Variants in DNAH7 observed in about 807,000 individuals in gnomAD.
DNAH7 encodes the protein axonemal beta dynein heavy chain 7.
DNAH7 carries 397 observed loss-of-function variants against 444.6 expected under a neutral mutation model. The observed-to-expected ratio is 0.89, with a 90% CI of 0.82 to 0.97. The LOEUF (loss-of-function observed/expected upper bound fraction) is 0.97. DNAH7 is among the 50% of genes least tolerant of loss of function. The pLI is 0.00. For missense variants in DNAH7, 4,902 were observed against 4,800.8 expected (o/e 1.02, Z -0.62); for synonymous variants, 1,636 against 1,624.4 (o/e 1.01, Z -0.17).
chr2:195,892,255 C>T (rs1265308599), intron 30 of DNAH7, among the ~76,000 whole-genome samples: 2 of 152,002 alleles, frequency 1.3e-5, no homozygotes, highest in Non-Finnish European at 2.9e-5. Flanking sequence ...AGTTTATTGG[C>T]ATTACGAAAA....
chr2:195,972,530 C>A (rs867318971), intron 15 of DNAH7, 64 bp from the exon 16 acceptor site: 2 of 1,196,910 alleles, frequency 1.7e-6, no homozygotes, highest in Admixed American at 3.4e-5. Context: ...AAACAGCCTG[C>A]GGAAATACAC....
At position 196,028,261 on chromosome 2, in the gene DNAH7, A is replaced by C. The variant is rs561216406; in HGVS notation, c.399-214T>G. ...GACAATTATATTGGAAGTTACTTGC[A>C]AGACCTATTCAGAAATCACACCCTC... On this transcript the variant is annotated intron_variant, in intron 5 of 64. Coordinates refer to ENST00000312428, the MANE Select transcript of DNAH7 (RefSeq NM_018897.3). 7.9e-5 allele frequency among the ~76,000 whole-genome samples: 12 copies of C among 152,300 alleles called. No individual in the cohort carries two copies. In the East Asian group the frequency reaches 2.1e-3, roughly 27 times the overall value.
chr2:195,903,716 A>G (rs1337171055), intron 27 of DNAH7: 1 of 152,186 alleles, frequency 6.6e-6, no homozygotes, highest in East Asian at 1.9e-4. Flanking sequence ...TGCAAAGGAA[A>G]TGTCTACAAC....
At chr2:196,061,751 C>A (rs897066349) in intron 1 of DNAH7, among the ~76,000 whole-genome samples, 2 of 152,062 alleles carry the variant, frequency 1.3e-5, no homozygotes, top group Non-Finnish European at 2.9e-5. Flanking sequence ...CAAGAAAGAA[C>A]GGGAAGAGGA....
At chr2:195,939,617 G>A (rs1689286534) in intron 19 of DNAH7, among the ~76,000 whole-genome samples, 1 of 152,140 alleles carries the variant, frequency 6.6e-6, no homozygotes, top group Non-Finnish European at 1.5e-5. Context: ...TCCTAAAGGG[G>A]AAGAATTGAA....
intron 15 of DNAH7, among the ~76,000 whole-genome samples, chr2:195,978,025 C>T (rs1362466290): frequency 6.6e-6 from 1 of 151,844 alleles, no homozygotes; most frequent in Non-Finnish European, 1.5e-5. Flanking sequence ...AAGCAAAGGA[C>T]AATAATGAAC....
chr2:195,788,507 G>T (rs756705650), intron 57 of DNAH7, among the ~76,000 whole-genome samples: 1 of 152,114 alleles, frequency 6.6e-6, no homozygotes, highest in Non-Finnish European at 1.5e-5. Flanking sequence ...AAAAGTCAAA[G>T]AAATGGCATT....
intron 45 of DNAH7, among the ~76,000 whole-genome samples, chr2:195,854,305 T>C (rs1301619198): frequency 6.6e-6 from 1 of 152,168 alleles, no homozygotes; most frequent in African/African-American, 2.4e-5. Flanking sequence ...CAAAAATAAT[T>C]ACATGAAAAG....
chr2:195,891,628 T>C, intron 31 of DNAH7, 27 bp downstream of exon 31: 2 of 1,513,740 alleles, frequency 1.3e-6, no homozygotes, highest in Non-Finnish European at 1.8e-6. Flanking sequence ...CCTTTTAAGA[T>C]ATGCATGTGA....
intron 57 of DNAH7, among the ~76,000 whole-genome samples, chr2:195,789,485 T>G (rs1421910730): frequency 6.6e-6 from 1 of 152,220 alleles, no homozygotes; most frequent in Non-Finnish European, 1.5e-5. Context: ...GAATCATCAA[T>G]GATTACTAAT....
At chr2:195,804,249 C>T (rs1244975747) in intron 54 of DNAH7, among the ~76,000 whole-genome samples, 1 of 152,142 alleles carries the variant, frequency 6.6e-6, no homozygotes, top group Non-Finnish European at 1.5e-5. Context: ...TATTCTACTA[C>T]CATTCTTCTT....
intron 5 of DNAH7, among the ~76,000 whole-genome samples, chr2:196,039,045 C>T (rs1696565786): frequency 6.6e-6 from 1 of 152,112 alleles, no homozygotes; most frequent in Non-Finnish European, 1.5e-5. Context: ...TAGACATTTG[C>T]AAAATGTTCC....
chr2:195,796,665 C>T lies in DNAH7; in HGVS notation c.10426G>A (p.Glu3476Lys), dbSNP rs1696155152. 5.0e-6 allele frequency: 8 copies of T among 1,614,040 alleles called. No homozygotes were observed. The highest frequency in any genetic ancestry group is 6.8e-6 in the Non-Finnish European group (8 of 1,180,014). Residue 3476 changes from glutamate (E) to lysine (K), a missense_variant, in exon 56 of 65, where the codon GAA (glutamate) becomes AAA (lysine). Physicochemically the swap from Glu to Lys is moderately conservative, Grantham distance 56. Coordinates refer to ENST00000312428, the MANE Select transcript of DNAH7 (RefSeq NM_018897.3). ...CATGTTCCTTCCTTGACAGCTTTTT[C>T]TAACATCTTCATAGCAATGGGCCCT... is the stretch of plus-strand genomic sequence containing the variant. ...GQGPIAMKML[E>K]KAVKEGTWVV...
chr2:195,989,043 C>T (rs142286435), intron 12 of DNAH7, among the ~76,000 whole-genome samples: 222 of 152,232 alleles, frequency 1.5e-3, no homozygotes, highest in Middle Eastern at 3.4e-3. Flanking sequence ...GAATTGTATT[C>T]CACTGTGTAT....
At chr2:196,013,755 A>T (rs1490316418) in intron 9 of DNAH7, among the ~76,000 whole-genome samples, 2 of 152,244 alleles carry the variant, frequency 1.3e-5, no homozygotes, top group African/African-American at 4.8e-5. Flanking sequence ...TGAGCAATGT[A>T]ATGTTTTAAA....
chr2:195,802,697 C>CA (rs150439744), intron 54 of DNAH7, among the ~76,000 whole-genome samples: 2,695 of 145,970 alleles, frequency 0.018, 103 homozygotes, highest in Admixed American at 0.085. Context: ...AAAGGAAAAA[C>CA]AAAAAAAAAA....
chr2:195,946,763 C>T (rs1007629261), intron 19 of DNAH7, among the ~76,000 whole-genome samples: 1 of 152,038 alleles, frequency 6.6e-6, no homozygotes, highest in African/African-American at 2.4e-5. Context: ...TGTCCCAAAC[C>T]CAGATGAGAA....
At chr2:196,068,466 G>C (rs560858509) in intron 1 of DNAH7, 9 of 573,054 alleles carry the variant, frequency 1.6e-5, no homozygotes, top group African/African-American at 1.2e-4. Flanking sequence ...CGCGCCGCTA[G>C]GCGGCTAGGT....
intron 49 of DNAH7, among the ~76,000 whole-genome samples, chr2:195,823,995 A>G (rs1383595603): frequency 6.6e-6 from 1 of 152,204 alleles, no homozygotes; most frequent in East Asian, 1.9e-4. Context: ...TATTTTTAAC[A>G]ATGAAAATCT....
Sources: gnomAD v4.1 joint callset for allele counts (sites outside exome capture counted in the v4.1 genomes callset) on GRCh38, gnomAD v4.1.1 for gene constraint, MANE v1.5 for transcripts, NCBI Gene and HGNC (gene_info 2026-07-23, HGNC 2026-07-21) for gene names.